Variants in EIF4H observed in about 807,000 individuals in gnomAD.
The protein encoded by EIF4H is eukaryotic translation initiation factor 4H.
EIF4H carries 8 observed loss-of-function variants against 30.6 expected under a neutral mutation model. The ratio of observed to expected loss-of-function variants is 0.26; its 90% confidence interval spans 0.15 to 0.47. The LOEUF (loss-of-function observed/expected upper bound fraction) is 0.47, where lower values mean the gene tolerates loss of function less well. EIF4H is among the 20% of genes least tolerant of loss of function. EIF4H has a pLI of 0.99. For missense variants in EIF4H, 188 were observed against 339.5 expected, an observed-to-expected ratio of 0.55 and a Z score of 3.51; for synonymous variants, 106 against 122.7, an observed-to-expected ratio of 0.86 and a Z score of 0.90.
intron 1 of EIF4H, among the ~76,000 whole-genome samples, chr7:74,178,509 A>G (rs879951637): frequency 1.3e-5 from 2 of 150,956 alleles, no homozygotes; most frequent in Non-Finnish European, 3.0e-5. Flanking sequence ...ATGCCACTGC[A>G]CTCCTCCAGC....
intron 5 of EIF4H, among the ~76,000 whole-genome samples, chr7:74,194,291 A>T (rs143443892): frequency 2.0e-5 from 3 of 152,302 alleles, no homozygotes; most frequent in Non-Finnish European, 4.4e-5. Context: ...TTTTGTCTTC[A>T]TATAGCGTTT....
At chr7:74,180,289 AGTTT>A (rs1431582884) in intron 1 of EIF4H, among the ~76,000 whole-genome samples, 1 of 152,224 alleles carries the variant, frequency 6.6e-6, no homozygotes, top group African/African-American at 2.4e-5. Flanking sequence ...AATTAACCAT[AGTTT>A]GTTCTATAGA....
At chr7:74,175,044 TTCTTTGTATTAA>T (rs1800807086) in intron 1 of EIF4H, among the ~76,000 whole-genome samples, 2 of 152,216 alleles carry the variant, frequency 1.3e-5, no homozygotes, top group Admixed American at 1.3e-4. Context: ...CCATCGTAGC[TTCTTTGTATTAA>T]TCTTTCTTGG....
chr7:74,194,244 G>A (rs745796485), intron 5 of EIF4H, among the ~76,000 whole-genome samples: 8 of 152,162 alleles, frequency 5.3e-5, no homozygotes, highest in African/African-American at 1.7e-4. Flanking sequence ...CACCTAAAAC[G>A]CAGCCAAAAC....
intron 1 of EIF4H, among the ~76,000 whole-genome samples, chr7:74,186,704 T>C (rs1801086921): frequency 6.6e-6 from 1 of 150,800 alleles, no homozygotes; most frequent in Admixed American, 6.6e-5. Context: ...TGCACGAGAG[T>C]GTTAGGTACG....
chr7:74,193,593 G>C (rs1324605899), intron 5 of EIF4H, among the ~76,000 whole-genome samples: 1 of 151,032 alleles, frequency 6.6e-6, no homozygotes, highest in African/African-American at 2.5e-5. Context: ...TTTAATTATG[G>C]TTTAACTTCT....
chr7:74,185,616 C>G (rs1801064017), intron 1 of EIF4H, among the ~76,000 whole-genome samples: 1 of 151,574 alleles, frequency 6.6e-6, no homozygotes, highest in Non-Finnish European at 1.5e-5. Flanking sequence ...GTTGACCCTT[C>G]TACTTTAGAA....
chr7:74,190,876 T>C (rs1481958491), intron 5 of EIF4H, among the ~76,000 whole-genome samples: 1 of 152,244 alleles, frequency 6.6e-6, no homozygotes, highest in Non-Finnish European at 1.5e-5. Flanking sequence ...AGCATTTTTA[T>C]CATCTTTACT....
chr7:74,186,314 A>G (rs532439122), intron 1 of EIF4H, among the ~76,000 whole-genome samples: 195 of 151,838 alleles, frequency 1.3e-3, no homozygotes, highest in Middle Eastern at 6.8e-3. Flanking sequence ...CCTGGGTTCA[A>G]GCGATTCTCC....
At chr7:74,185,925 C>G (rs1300075674) in intron 1 of EIF4H, among the ~76,000 whole-genome samples, 25 of 151,934 alleles carry the variant, frequency 1.6e-4, no homozygotes, top group East Asian at 3.8e-4. Flanking sequence ...AAAAAAATCA[C>G]CCCCTTAATT....
chr7:74,194,389 T>TA (rs1801294398), intron 5 of EIF4H, among the ~76,000 whole-genome samples: 1 of 152,246 alleles, frequency 6.6e-6, no homozygotes, highest in Non-Finnish European at 1.5e-5. Context: ...TATTAGAAAA[T>TA]AGAGTTCAAC....
At chr7:74,192,752 A>G (rs1209651147) in intron 5 of EIF4H, among the ~76,000 whole-genome samples, 1 of 134,380 alleles carries the variant, frequency 7.4e-6, no homozygotes, top group Non-Finnish European at 1.5e-5. Flanking sequence ...ATTTCGGTTC[A>G]CTGCAATCTC....
intron 1 of EIF4H, among the ~76,000 whole-genome samples, chr7:74,174,649 G>C (rs1238234701): frequency 6.6e-6 from 1 of 151,414 alleles, no homozygotes; most frequent in Non-Finnish European, 1.5e-5. Context: ...TCTTGCTTGC[G>C]GGGCGGATCC....
intron 1 of EIF4H, among the ~76,000 whole-genome samples, chr7:74,184,509 GTGAGCTGC>G (rs1801039846): frequency 6.6e-6 from 1 of 151,950 alleles, no homozygotes; most frequent in Non-Finnish European, 1.5e-5. Context: ...CCACACAACT[GTGAGCTGC>G]TTACATACAA....
At chr7:74,177,333 A>G (rs1172637588) in intron 1 of EIF4H, among the ~76,000 whole-genome samples, 1 of 152,224 alleles carries the variant, frequency 6.6e-6, no homozygotes, top group African/African-American at 2.4e-5. Flanking sequence ...CAAAATTTTT[A>G]TGGTGGTAAA....
chr7:74,186,462 C>T lies in EIF4H; in HGVS notation c.60-1149C>T, dbSNP rs566246215. 3.9e-5 allele frequency among the ~76,000 whole-genome samples: 6 copies of T among 152,214 alleles called. No individual in the cohort carries two copies. The East Asian group carries it at 7.7e-4, about 20-fold the overall frequency. Reference sequence around the variant, plus strand: ...TCCTGACCTCAAGTGATCCACCCACCTCGGCCTCCCAAAATGCTGTATTAG... The same window carrying T: ...TCCTGACCTCAAGTGATCCACCCACTTCGGCCTCCCAAAATGCTGTATTAG... On this transcript the variant is annotated intron_variant, in intron 1 of 6. Coordinates refer to ENST00000265753, the MANE Select transcript of EIF4H (RefSeq NM_022170.2).
At chr7:74,189,524 G>A in intron 2 of EIF4H, 149 bp from the exon 3 acceptor site, 1 of 768,784 alleles carries the variant, frequency 1.3e-6, no homozygotes. Context: ...TGCCAGTCAG[G>A]GTTCTATCTA....
At chr7:74,181,384 C>T (rs987982721) in intron 1 of EIF4H, among the ~76,000 whole-genome samples, 2 of 151,698 alleles carry the variant, frequency 1.3e-5, no homozygotes, top group Non-Finnish European at 2.9e-5. Context: ...TTATGGCTAC[C>T]GTAGTAGATG....
Position 74,176,686 on chromosome 7 carries a change from T to G in EIF4H, c.59+2244T>G, listed in dbSNP as rs1274259211. 2.0e-5 allele frequency among the ~76,000 whole-genome samples: 3 copies of G among 152,208 alleles called. No individual in the cohort carries two copies. In the East Asian group the frequency reaches 5.8e-4, roughly 29 times the overall value. ...TTCCTAAGTTTATTTCGTAGTTGTG[T>G]TTAATAACCAGTGCAGTTGTCAGGA... On this transcript the variant is annotated intron_variant, in intron 1 of 6. Transcript: ENST00000265753.
Sources: gnomAD v4.1 joint callset for allele counts (sites outside exome capture counted in the v4.1 genomes callset) on GRCh38, gnomAD v4.1.1 for gene constraint, MANE v1.5 for transcripts, NCBI Gene and HGNC (gene_info 2026-07-23, HGNC 2026-07-21) for gene names.